A1CF: variants seen among roughly 807,000 people sequenced by gnomAD.
A1CF encodes the protein APOBEC-1 stimulating protein.
A1CF carries 48 observed loss-of-function variants against 68.9 expected under a neutral mutation model. The observed-to-expected ratio is 0.70, with a 90% CI of 0.55 to 0.89. The LOEUF (loss-of-function observed/expected upper bound fraction) is 0.89. Among genes scored for constraint, A1CF ranks in the 40% least tolerant of loss-of-function variants. The pLI, the probability that A1CF is intolerant of heterozygous loss-of-function variation, is 0.00. For synonymous variants in A1CF, 272 were observed against 260.4 expected, an observed-to-expected ratio of 1.04 and a Z score of -0.43; for missense variants, 653 against 718.9, an observed-to-expected ratio of 0.91 and a Z score of 1.05.
intron 3 of A1CF, 22 bp downstream of exon 3, chr10:50,859,820 A>G (rs780979523): frequency 6.2e-6 from 10 of 1,605,774 alleles, no homozygotes; most frequent in South Asian, 1.1e-5. Flanking sequence ...GGTGAGTCTC[A>G]GCAGATTTCA....
chr10:50,824,657 C>A (rs1027588959), intron 7 of A1CF: 6 of 152,080 alleles, frequency 3.9e-5, no homozygotes, highest in African/African-American at 1.5e-4. Flanking sequence ...CATGTAGGAG[C>A]TACTGAAGGA....
rs920531228 is a variant in A1CF, at chr10:50,803,781, G to A, written c.*2948C>T. 4 of 152,064 alleles carry A rather than the reference G, an allele frequency of 2.6e-5. No individual in the cohort carries two copies. Among genetic ancestry groups the A allele is most frequent in the African/African-American group, 9.7e-5 (4 of 41,392 alleles). 9.4% of individuals were successfully genotyped at this position (152,064 alleles called of 1,614,324 possible). A position where few individuals can be genotyped will look rare whatever the true frequency, so the allele number is the denominator to read the frequency against. ...AATTATTGTTTTGTTATTATCACCT[G>A]GTTGGGTGACAAATTTTAATTTTTT... On this transcript the variant is annotated 3_prime_UTR_variant, in exon 13 of 13. Transcript: ENST00000373997.
intron 1 of A1CF, among the ~76,000 whole-genome samples, chr10:50,873,974 GTT>G (rs1335870547): frequency 1.3e-5 from 2 of 151,886 alleles, no homozygotes; most frequent in Non-Finnish European, 2.9e-5. Context: ...TTTAATATGT[GTT>G]TGTGTATATA....
Position 50,809,950 on chromosome 10 carries a change from G to C in A1CF, c.1553C>G (p.Thr518Ser), listed in dbSNP as rs969399849. The C allele has an allele frequency of 6.2e-7, 1 of 1,614,032 alleles. No homozygotes were observed. The highest frequency in any genetic ancestry group is 1.7e-5 in the Admixed American group (1 of 60,000). ...EYTLQTLGIPTDGGDGTMATA... is the reference protein window; with the variant it reads ...EYTLQTLGIPSDGGDGTMATA... ...AGCCATGGTGCCATCGCCTCCATCA[G>C]TGGGGATGCCCAGGGTCTGCAGGGT... The change falls in exon 12 of 13, where the codon ACT becomes AGT. Residue 518 changes from threonine to serine, a missense_variant. Physicochemically the swap from Thr to Ser is moderately conservative, Grantham distance 58 (BLOSUM62 1). Coordinates refer to ENST00000373997, the MANE Select transcript of A1CF (RefSeq NM_014576.4).
chr10:50,881,594 T>G (rs964571322), intron 1 of A1CF, among the ~76,000 whole-genome samples: 1 of 152,208 alleles, frequency 6.6e-6, no homozygotes, highest in Non-Finnish European at 1.5e-5. Context: ...TACTTAAACC[T>G]AGTGATTTTT....
At chr10:50,830,582 C>A (rs1339171652) in intron 6 of A1CF, among the ~76,000 whole-genome samples, 1 of 151,966 alleles carries the variant, frequency 6.6e-6, no homozygotes, top group African/African-American at 2.4e-5. Flanking sequence ...GATCTGTATA[C>A]TTAAAACTGT....
chr10:50,881,297 C>G (rs1183117337), intron 1 of A1CF, among the ~76,000 whole-genome samples: 1 of 152,110 alleles, frequency 6.6e-6, no homozygotes, highest in Non-Finnish European at 1.5e-5. Context: ...CCTCATCTAG[C>G]CTCTTAACTG....
In A1CF at chr10:50,835,886, A is replaced by T. The variant is rs111815540; in HGVS notation, c.604+188T>A. Among the ~76,000 whole-genome samples the T allele has an allele frequency of 6.0e-3, 910 of 152,348 alleles. 7 individuals are homozygous for T. The highest frequency in any genetic ancestry group is 0.02 in the African/African-American group (850 of 41,592). On this transcript the variant is annotated intron_variant, in intron 6 of 12. Transcript: ENST00000373997. ...TAAATTAGCCTCAATGCACAGAATG[A>T]ATATTTTTCAAAACTGAGTCTGAAA...
rs532082870 is a variant in A1CF at position 50,801,494 on chromosome 10, C to G, written c.*5235G>C. 1 of 152,280 alleles carries G rather than the reference C, an allele frequency of 6.6e-6. No individual in the cohort carries two copies. Among genetic ancestry groups the G allele is most frequent in the Admixed American group, 6.5e-5 (1 of 15,286 alleles). The allele number at this position is 152,280 out of a possible 1,614,324, so 9.4% of individuals were successfully genotyped here. A position where few individuals can be genotyped will look rare whatever the true frequency, so the allele number is the denominator to read the frequency against. On this transcript the variant is annotated 3_prime_UTR_variant, in exon 13 of 13. Transcript: ENST00000373997. The stretch of plus-strand genomic sequence containing the variant: ...ATCATTGTTAATATTTATAGAAGGA[C>G]AGCAGACCTAAGCCAGGACTGTCCT...
chr10:50,857,274 A>T (rs1055050947), intron 3 of A1CF, among the ~76,000 whole-genome samples: 4 of 152,146 alleles, frequency 2.6e-5, no homozygotes, highest in Non-Finnish European at 4.4e-5. Flanking sequence ...GGTAATTAGG[A>T]TATCCCTCAC....
At chr10:50,863,275 C>G (rs776252642) in intron 2 of A1CF, among the ~76,000 whole-genome samples, 2 of 152,088 alleles carry the variant, frequency 1.3e-5, no homozygotes, top group Non-Finnish European at 2.9e-5. Flanking sequence ...AACTCGAATC[C>G]CAGATAAATA....
chr10:50,863,691 G>C (rs755027203), intron 2 of A1CF, among the ~76,000 whole-genome samples: 16 of 152,252 alleles, frequency 1.1e-4, no homozygotes, highest in South Asian at 2.1e-4. Context: ...ATCTCATGGA[G>C]GTTAAAAGTA....
chr10:50,862,480 A>G (rs911363608), intron 2 of A1CF, among the ~76,000 whole-genome samples: 2 of 152,270 alleles, frequency 1.3e-5, no homozygotes, highest in East Asian at 3.9e-4. Context: ...TTATATAAAC[A>G]TGGATATTCT....
chr10:50,810,094 C>A, intron 11 of A1CF, 52 bp from the exon 12 acceptor site: 1 of 1,599,444 alleles, frequency 6.3e-7, no homozygotes, highest in Non-Finnish European at 8.6e-7. Context: ...ACAACTGAGT[C>A]AGGTGAAAAC....
chr10:50,836,378 C>A, intron 5 of A1CF, 66 bp from the exon 6 acceptor site: 1 of 1,519,098 alleles, frequency 6.6e-7, no homozygotes, highest in Non-Finnish European at 8.9e-7. Flanking sequence ...AAATGTATGG[C>A]TGTGGGCCAA....
At position 50,804,650 on chromosome 10, in the gene A1CF, T is replaced by C. The variant is rs1204281680; in HGVS notation, c.*2079A>G. On this transcript the variant is annotated 3_prime_UTR_variant, in exon 13 of 13. Coordinates refer to ENST00000373997, the MANE Select transcript of A1CF (RefSeq NM_014576.4). ...TTACTTTCTCATTTTTAGAGTTAGT[T>C]TGAAGCCTACGTAAGTTACATTTAA... 1.3e-5 allele frequency: 2 copies of C among 152,220 alleles called. No individual in the cohort carries two copies. Among genetic ancestry groups the C allele is most frequent in the Non-Finnish European group, 2.9e-5 (2 of 68,028 alleles). 9.4% of individuals were successfully genotyped at this position (152,220 alleles called of 1,614,324 possible). A position where few individuals can be genotyped will look rare whatever the true frequency, so the allele number is the denominator to read the frequency against.
chr10:50,833,277 T>C (rs1588994387), intron 6 of A1CF, among the ~76,000 whole-genome samples: 1 of 152,214 alleles, frequency 6.6e-6, no homozygotes, highest in East Asian at 1.9e-4. Flanking sequence ...GCGAATTACC[T>C]GGCCTGACAC....
At chr10:50,864,631 T>C (rs1365339636) in intron 1 of A1CF, among the ~76,000 whole-genome samples, 1 of 152,176 alleles carries the variant, frequency 6.6e-6, no homozygotes, top group African/African-American at 2.4e-5. Flanking sequence ...CTTTACTTTT[T>C]TTTTGAGATG....
Position 50,830,850 on chromosome 10 carries a change from G to T in A1CF, c.605-2555C>A, listed in dbSNP as rs560462167. 3.3e-5 allele frequency among the ~76,000 whole-genome samples: 5 copies of T among 152,228 alleles called. No individual in the cohort carries two copies. The South Asian group carries it at 1.0e-3, about 32-fold the overall frequency. On this transcript the variant is annotated intron_variant, in intron 6 of 12. Transcript: ENST00000373997. ...CAAAGCTGGGGTCATCACACTACTT[G>T]ATCTCAAAATATACTGCAAAGCTAT...
Sources: allele counts gnomAD v4.1 joint callset (sites outside exome capture counted in the v4.1 genomes callset), GRCh38; gene constraint gnomAD v4.1.1; transcripts MANE v1.5; gene names NCBI Gene and HGNC (gene_info 2026-07-23, HGNC 2026-07-21).